Variants in UPF3A observed in about 807,000 individuals in gnomAD.
The protein encoded by UPF3A is UPF3A regulator of nonsense mediated mRNA decay, also known as regulator of nonsense transcripts 3A.
A neutral mutation model predicts 53.5 loss-of-function variants in UPF3A; 42 were observed. That is an observed-to-expected ratio of 0.78 (90% confidence interval 0.61 to 1.01). The LOEUF is 1.01. Among genes scored for constraint, UPF3A ranks in the 50% least tolerant of loss-of-function variants. UPF3A has a pLI of 0.00. For missense variants in UPF3A, 575 were observed against 598.0 expected (o/e 0.96, Z 0.40); for synonymous variants, 237 against 225.3 (o/e 1.05, Z -0.47).
At chr13:114,294,279 G>GGA (rs1555372467) in intron 7 of UPF3A, among the ~76,000 whole-genome samples, 10 of 150,930 alleles carry the variant, frequency 6.6e-5, no homozygotes, top group Admixed American at 2.6e-4. Context: ...TTGGTGGGGG[G>GGA]GGGGTTTGAG....
chr13:114,283,161 G>C (rs1184630306), intron 3 of UPF3A: 1 of 415,432 alleles, frequency 2.4e-6, no homozygotes, highest in Non-Finnish European at 4.3e-6. Flanking sequence ...GACCACAGGC[G>C]TGTGCCACCA....
chr13:114,298,381 A>G (rs2086258068), intron 7 of UPF3A, among the ~76,000 whole-genome samples: 2 of 152,072 alleles, frequency 1.3e-5, no homozygotes, highest in Admixed American at 1.3e-4. Flanking sequence ...CTCAAAAAAA[A>G]AAAAAAAAAT....
At chr13:114,296,102 G>C (rs1272574209) in intron 7 of UPF3A, among the ~76,000 whole-genome samples, 1 of 152,200 alleles carries the variant, frequency 6.6e-6, no homozygotes, top group East Asian at 1.9e-4. Context: ...GGGCTTCCAG[G>C]GGCCAGGCAC....
intron 7 of UPF3A, among the ~76,000 whole-genome samples, chr13:114,293,391 A>C (rs2085512438): frequency 6.6e-6 from 1 of 152,176 alleles, no homozygotes; most frequent in Non-Finnish European, 1.5e-5. Flanking sequence ...CTTAAAAAAA[A>C]AAAAGTTTCC....
At chr13:114,289,038 G>A (rs1055857328) in intron 5 of UPF3A, among the ~76,000 whole-genome samples, 5 of 151,970 alleles carry the variant, frequency 3.3e-5, no homozygotes, top group South Asian at 2.1e-4. Context: ...GGCTCCTGCC[G>A]GGGTGGGGAG....
At chr13:114,303,096 C>G (rs1201586906) in intron 9 of UPF3A, among the ~76,000 whole-genome samples, 1 of 151,628 alleles carries the variant, frequency 6.6e-6, no homozygotes, top group African/African-American at 2.4e-5. Flanking sequence ...GCAAAATTAC[C>G]TCTAAAAAAA....
At chr13:114,282,468 C>G (rs1410541590) in intron 2 of UPF3A, 1 of 985,260 alleles carries the variant, frequency 1.0e-6, no homozygotes, top group Non-Finnish European at 1.2e-6. Flanking sequence ...GGGGCGCCGG[C>G]TCTTCCTGTG....
At chr13:114,286,454 CA>C in intron 4 of UPF3A, 54 bp downstream of exon 4, 2 of 1,611,644 alleles carry the variant, frequency 1.2e-6, no homozygotes, top group Non-Finnish European at 1.7e-6. Context: ...GAACACTGAG[CA>C]AATGTAATTC....
At chr13:114,289,850 G>A (rs940935168) in intron 5 of UPF3A, among the ~76,000 whole-genome samples, 2 of 152,066 alleles carry the variant, frequency 1.3e-5, no homozygotes, top group African/African-American at 4.8e-5. Flanking sequence ...AGGGTCTAAC[G>A]TACTTTGCCC....
intron 7 of UPF3A, among the ~76,000 whole-genome samples, chr13:114,292,616 G>A (rs35658637): frequency 0.072 from 10,475 of 145,994 alleles, 287 homozygotes; most frequent in Middle Eastern, 0.16. Context: ...GGTTCAAGGC[G>A]TACACGTGCA....
At position 114,282,002 on chromosome 13, in the gene UPF3A, G is replaced by A. The variant is rs1213388294; in HGVS notation, c.208-19G>A. 1.9e-6 allele frequency: 3 copies of A among 1,541,834 alleles called. No individual in the cohort carries two copies. Among genetic ancestry groups the A allele is most frequent in the Non-Finnish European group, 2.6e-6 (3 of 1,146,090 alleles). ...GTCCACGCTCCGCCCCGGTGGGAAC[G>A]GCCGCGCGCTCCCCGCAGGTGGTCA... On this transcript the variant is annotated intron_variant, in intron 1 of 9. Coordinates refer to ENST00000375299, the MANE Select transcript of UPF3A (RefSeq NM_023011.4).
intron 9 of UPF3A, among the ~76,000 whole-genome samples, chr13:114,303,737 G>C (rs2086797605): frequency 6.6e-6 from 1 of 152,094 alleles, no homozygotes; most frequent in Non-Finnish European, 1.5e-5. Context: ...AGCGAGCCCA[G>C]ATTGCGCCAT....
At chr13:114,294,217 C>G (rs1175247308) in intron 7 of UPF3A, among the ~76,000 whole-genome samples, 1 of 150,956 alleles carries the variant, frequency 6.6e-6, no homozygotes, top group Non-Finnish European at 1.5e-5. Context: ...GTATCAACAG[C>G]TTAAAGAAAG....
chr13:114,301,624 G>A, intron 8 of UPF3A, 107 bp from the exon 9 acceptor site: 1 of 1,110,872 alleles, frequency 9.0e-7, no homozygotes, highest in African/African-American at 1.6e-5. Flanking sequence ...GCAGCGCTGA[G>A]CACTTCGCAT....
At chr13:114,284,397 GTA>G (rs1555368046) in intron 3 of UPF3A, among the ~76,000 whole-genome samples, 19 of 149,826 alleles carry the variant, frequency 1.3e-4, no homozygotes, top group South Asian at 2.1e-4. Context: ...GTGTGTGTGT[GTA>G]AAATATGTGT....
At chr13:114,292,502 T>G (rs1594792658) in intron 7 of UPF3A, among the ~76,000 whole-genome samples, 1 of 149,312 alleles carries the variant, frequency 6.7e-6, no homozygotes, top group African/African-American at 2.5e-5. Context: ...CGTGCAGGTG[T>G]GCCACATGTT....
chr13:114,284,957 T>C (rs965587085), intron 3 of UPF3A: 3 of 152,252 alleles, frequency 2.0e-5, no homozygotes, highest in African/African-American at 7.2e-5. Context: ...TGCCGTTGTT[T>C]TTATGGTCTC....
At chr13:114,283,805 C>G (rs370083215) in intron 3 of UPF3A, 108 of 985,438 alleles carry the variant, frequency 1.1e-4, no homozygotes, top group Non-Finnish European at 1.2e-4. Context: ...CTGTTGTGTT[C>G]CTGGCTGTCA....
At chr13:114,291,397 C>T (rs776754215) in intron 5 of UPF3A, 92 bp from the exon 6 acceptor site, 279 of 1,210,400 alleles carry the variant, frequency 2.3e-4, no homozygotes, top group Non-Finnish European at 2.8e-4. Context: ...ATATGGTTCC[C>T]GTATTTATTT....
Sources: gnomAD v4.1 joint callset for allele counts (sites outside exome capture counted in the v4.1 genomes callset) on GRCh38, gnomAD v4.1.1 for gene constraint, MANE v1.5 for transcripts, NCBI Gene and HGNC (gene_info 2026-07-23, HGNC 2026-07-21) for gene names.